The following RTN1 variants were observed in gnomAD, a reference collection of about 807,000 sequenced individuals.
The protein encoded by RTN1 is reticulon-1.
RTN1 carries 25 observed loss-of-function variants against 65.5 expected under a neutral mutation model. That is an observed-to-expected ratio of 0.38 (90% CI 0.28 to 0.53). The LOEUF (loss-of-function observed/expected upper bound fraction) is 0.53. Among genes scored for constraint, RTN1 ranks in the 20% least tolerant of loss-of-function variants. The pLI, the probability that RTN1 is intolerant of heterozygous loss-of-function variation, is 0.79. For synonymous variants in RTN1, 471 were observed against 447.6 expected, an observed-to-expected ratio of 1.05 and a Z score of -0.66; for missense variants, 983 against 1,025.4, an observed-to-expected ratio of 0.96 and a Z score of 0.57.
chr14:59,802,575 A>AT (rs1886566642), intron 1 of RTN1, among the ~76,000 whole-genome samples: 1 of 152,212 alleles, frequency 6.6e-6, no homozygotes, highest in African/African-American at 2.4e-5. Flanking sequence ...TTTAGATGTG[A>AT]TTTTATATGA....
chr14:59,638,319 A>G (rs535530069), intron 3 of RTN1, among the ~76,000 whole-genome samples: 4 of 152,206 alleles, frequency 2.6e-5, no homozygotes, highest in Non-Finnish European at 5.9e-5. Flanking sequence ...AATATTTTGA[A>G]AGGAATATGT....
At position 59,779,671 on chromosome 14, in the gene RTN1, G is replaced by A. The variant is rs985633344; in HGVS notation, c.242-33190C>T. 7.2e-5 allele frequency among the ~76,000 whole-genome samples: 11 copies of A among 151,880 alleles called. No homozygotes were observed. In the East Asian group the frequency reaches 1.9e-3, roughly 27 times the overall value. On this transcript the variant is annotated intron_variant, in intron 1 of 8. Transcript: ENST00000267484. The stretch of plus-strand genomic sequence containing the variant: ...ATATCCCTTTTCTGGGCATTTTCAC[G>A]GCGTTTTGAAACACTTTCACCAGGC...
In RTN1 at chr14:59,607,402, C is replaced by T; in HGVS notation, c.1856G>A (p.Ser619Asn). ...LLLLFSLTQF[S>N]VVSVVAYLAL... ...CAGGTAGGCCACGACGCTCACCACG[C>T]TGAACTGGGTCAGGGAGAAGAGCAG... Residue 619 changes from serine to asparagine, a missense_variant, in exon 4 of 9, where the codon AGC (serine) becomes AAC (asparagine). By Grantham distance (46) the Ser-to-Asn change is conservative (BLOSUM62 1). This residue lies in a region of RTN1 where 165 missense variants were observed against 223.6 expected (regional missense o/e 0.74). Coordinates refer to ENST00000267484, the MANE Select transcript of RTN1 (RefSeq NM_021136.3). 6.2e-7 allele frequency: 1 copy of T among 1,614,050 alleles called. No individual in the cohort carries two copies.
chr14:59,630,670 C>T, intron 3 of RTN1: 1 of 1,200,334 alleles, frequency 8.3e-7, no homozygotes, highest in Non-Finnish European at 1.0e-6. Flanking sequence ...GCGTCGCTGG[C>T]GCCGCAGTCT....
chr14:59,710,909 T>C (rs1884406168), intron 3 of RTN1, among the ~76,000 whole-genome samples: 1 of 152,226 alleles, frequency 6.6e-6, no homozygotes, highest in Admixed American at 6.5e-5. Context: ...CTAACCACCT[T>C]AAAAGCATTA....
At chr14:59,735,785 A>T (rs888716351) in intron 2 of RTN1, among the ~76,000 whole-genome samples, 2 of 152,172 alleles carry the variant, frequency 1.3e-5, no homozygotes, top group African/African-American at 2.4e-5. Flanking sequence ...ACACAATAAC[A>T]GTGGGAGACT....
At chr14:59,793,636 C>CACCACACACACACACACACA (rs771792171) in intron 1 of RTN1, among the ~76,000 whole-genome samples, 2 of 144,216 alleles carry the variant, frequency 1.4e-5, no homozygotes, top group African/African-American at 5.2e-5. Context: ...CAGGCACACA[C>CACCACACACACACACACACA]CACACACACA....
Position 59,596,166 on chromosome 14 carries a change from A to G in RTN1, c.*579T>C, listed in dbSNP as rs1881388465. The G allele has an allele frequency of 6.6e-6, 1 of 152,304 alleles. No homozygotes were observed. The highest frequency in any genetic ancestry group is 1.5e-5 in the Non-Finnish European group (1 of 68,054). 9.4% of individuals were successfully genotyped at this position (152,304 alleles called of 1,614,324 possible). A position where few individuals can be genotyped will look rare whatever the true frequency, so the allele number is the denominator to read the frequency against. The stretch of plus-strand genomic sequence containing the variant: ...CCCACCAATCCCATACAACAAAAGT[A>G]CTGCATGTTTGTTTTGGATTTATTC... On this transcript the variant is annotated 3_prime_UTR_variant, in exon 9 of 9. Transcript: ENST00000267484.
intron 1 of RTN1, among the ~76,000 whole-genome samples, chr14:59,788,206 G>A (rs1008151037): frequency 1.3e-5 from 2 of 152,138 alleles, no homozygotes; most frequent in African/African-American, 4.8e-5. Context: ...GATGTATTTT[G>A]CAAGTTTATC....
intron 8 of RTN1, among the ~76,000 whole-genome samples, chr14:59,597,965 C>T (rs7140238): frequency 0.61 from 92,696 of 151,520 alleles, 28,728 homozygotes; most frequent in East Asian, 0.84. Context: ...TTGTGGGATG[C>T]GGTGAGGAGT....
intron 1 of RTN1, among the ~76,000 whole-genome samples, chr14:59,838,546 G>T (rs1887254322): frequency 6.6e-6 from 1 of 151,988 alleles, no homozygotes; most frequent in African/African-American, 2.4e-5. Flanking sequence ...CCATGAAGAA[G>T]AAAAATAGTT....
chr14:59,770,554 T>C (rs776997545), intron 1 of RTN1, among the ~76,000 whole-genome samples: 24 of 152,268 alleles, frequency 1.6e-4, no homozygotes, highest in Non-Finnish European at 7.4e-5. Context: ...GAATTTATCA[T>C]TAAGAACCTT....
rs1887832126 is a variant in RTN1, at chr14:59,868,279, A to G, written c.241+2111T>C. Among the ~76,000 whole-genome samples the G allele has an allele frequency of 6.6e-6, 1 of 152,228 alleles. No individual in the cohort carries two copies. The highest frequency in any genetic ancestry group is 6.5e-5 in the Admixed American group (1 of 15,282). On this transcript the variant is annotated intron_variant, in intron 1 of 8. Coordinates refer to ENST00000267484, the MANE Select transcript of RTN1 (RefSeq NM_021136.3). This position sits in a 1 kb window ranked among gnomAD's most constrained non-coding sequence, Gnocchi z 4.0. ...ACTATATCAGAAATTCCTTCTAGCC[A>G]CAATCATAAACTAAAAAATTTCTAT...
intron 1 of RTN1, among the ~76,000 whole-genome samples, chr14:59,754,581 A>G (rs185595136): frequency 6.6e-6 from 1 of 152,288 alleles, no homozygotes; most frequent in East Asian, 1.9e-4. Context: ...ATAAGGCAAT[A>G]ATAACCCCCA....
intron 3 of RTN1, among the ~76,000 whole-genome samples, chr14:59,711,535 C>A (rs1444835576): frequency 3.9e-5 from 6 of 152,198 alleles, no homozygotes; most frequent in Non-Finnish European, 8.8e-5. Flanking sequence ...CTATAAAGCA[C>A]ATTGACATAA....
chr14:59,817,364 A>G (rs538078734), intron 1 of RTN1, among the ~76,000 whole-genome samples: 1 of 152,216 alleles, frequency 6.6e-6, no homozygotes, highest in African/African-American at 2.4e-5. Flanking sequence ...TAAAAAAGAC[A>G]CTAAACAAGA....
intron 2 of RTN1, among the ~76,000 whole-genome samples, 166 bp downstream of exon 2, chr14:59,745,542 A>C (rs1465802919): frequency 1.3e-5 from 2 of 152,198 alleles, no homozygotes; most frequent in Non-Finnish European, 2.9e-5. Flanking sequence ...TCAGCAACAA[A>C]TTGAAAACTT....
chr14:59,854,306 T>G (rs1887563583), intron 1 of RTN1, among the ~76,000 whole-genome samples: 1 of 152,134 alleles, frequency 6.6e-6, no homozygotes, highest in African/African-American at 2.4e-5. Flanking sequence ...TCATGCAAGC[T>G]AATTCCTTAT....
At chr14:59,850,195 C>T (rs2064991) in intron 1 of RTN1, among the ~76,000 whole-genome samples, 32,890 of 152,072 alleles carry the variant, frequency 0.22, 3,944 homozygotes, top group East Asian at 0.5. Flanking sequence ...ACAGGTGCTC[C>T]TCAACTTATA....
Sources: gnomAD v4.1 joint callset for allele counts (sites outside exome capture counted in the v4.1 genomes callset) on GRCh38, gnomAD v4.1.1 for gene constraint, gnomAD v4.1.1 regional missense constraint, Gnocchi (gnomAD v3.1) non-coding constraint, MANE v1.5 for transcripts, NCBI Gene and HGNC (gene_info 2026-07-23, HGNC 2026-07-21) for gene names.